GRIN2A: variants seen among roughly 807,000 people sequenced by gnomAD.
GRIN2A encodes the protein glutamate ionotropic receptor NMDA type subunit 2A.
Under a neutral mutation model 113.4 loss-of-function variants are expected in GRIN2A, and 22 were observed. That is an observed-to-expected ratio of 0.19 (90% CI 0.14 to 0.28). The LOEUF is 0.28. Ranked by LOEUF, GRIN2A falls within the 10% of genes least tolerant of loss-of-function variation. GRIN2A has a pLI of 1.00. For missense variants in GRIN2A, 1,502 were observed against 1,887.0 expected, an observed-to-expected ratio of 0.80 and a Z score of 3.78; for synonymous variants, 827 against 738.4, an observed-to-expected ratio of 1.12 and a Z score of -1.94.
At chr16:9,972,572 A>T (rs968894567) in intron 2 of GRIN2A, among the ~76,000 whole-genome samples, 1 of 152,094 alleles carries the variant, frequency 6.6e-6, no homozygotes, top group South Asian at 2.1e-4. Flanking sequence ...AGAGGAAAAT[A>T]AAAAAAAGAA....
intron 10 of GRIN2A, among the ~76,000 whole-genome samples, chr16:9,813,314 T>C (rs185297854): frequency 4.9e-4 from 75 of 152,312 alleles, no homozygotes; most frequent in Middle Eastern, 3.4e-3. Context: ...TTGTATGAAT[T>C]GTATATATGC....
intron 8 of GRIN2A, among the ~76,000 whole-genome samples, chr16:9,830,613 C>T (rs1025044092): frequency 2.6e-5 from 4 of 152,084 alleles, no homozygotes; most frequent in Admixed American, 6.5e-5. Flanking sequence ...ATGTCACCTG[C>T]CAATATAAGC....
intron 2 of GRIN2A, among the ~76,000 whole-genome samples, chr16:10,150,931 C>A (rs2049555213): frequency 6.6e-6 from 1 of 152,202 alleles, no homozygotes; most frequent in Admixed American, 6.5e-5. Context: ...CCTGAACATG[C>A]CTGACACATG....
At chr16:9,771,412 A>G (rs917641192) in intron 11 of GRIN2A, among the ~76,000 whole-genome samples, 2 of 151,762 alleles carry the variant, frequency 1.3e-5, no homozygotes, top group African/African-American at 4.8e-5. Flanking sequence ...TGTGATATTC[A>G]TTTGGTTCTT....
At chr16:10,114,847 C>T (rs759757569) in intron 2 of GRIN2A, among the ~76,000 whole-genome samples, 5 of 152,196 alleles carry the variant, frequency 3.3e-5, no homozygotes, top group Non-Finnish European at 5.9e-5. Context: ...CCCCGATGTG[C>T]CAGGTCTGCA....
intron 2 of GRIN2A, among the ~76,000 whole-genome samples, chr16:10,068,455 G>C: frequency 6.6e-6 from 1 of 152,194 alleles, no homozygotes; most frequent in African/African-American, 2.4e-5. Flanking sequence ...GGCCAGAGCA[G>C]GAGAGAGTAA....
At chr16:10,079,073 C>T (rs1045656525) in intron 2 of GRIN2A, among the ~76,000 whole-genome samples, 3 of 152,280 alleles carry the variant, frequency 2.0e-5, no homozygotes, top group Admixed American at 6.5e-5. Flanking sequence ...ACTGAAGGTC[C>T]GAGCTCCTTC....
intron 2 of GRIN2A, among the ~76,000 whole-genome samples, chr16:10,143,264 G>A (rs1217204919): frequency 1.3e-5 from 2 of 152,156 alleles, no homozygotes; most frequent in African/African-American, 4.8e-5. Flanking sequence ...CTTCCGCTAA[G>A]GGCCTCCTTA....
intron 2 of GRIN2A, among the ~76,000 whole-genome samples, chr16:10,145,747 T>C (rs542523580): frequency 2.4e-4 from 36 of 152,346 alleles, no homozygotes; most frequent in South Asian, 8.3e-4. Flanking sequence ...ATGGTCGCCA[T>C]AGCAACTGCT....
intron 2 of GRIN2A, chr16:10,112,195 T>C: frequency 1.7e-6 from 1 of 590,808 alleles, no homozygotes. Context: ...GTCATAGTCT[T>C]GGACTCCTCC....
At chr16:9,924,905 T>G (rs2044427454) in intron 3 of GRIN2A, among the ~76,000 whole-genome samples, 1 of 152,198 alleles carries the variant, frequency 6.6e-6, no homozygotes, top group Non-Finnish European at 1.5e-5. Context: ...CTTGAATTTT[T>G]GAACCTATGA....
At chr16:9,806,893 A>C (rs2041980477) in intron 10 of GRIN2A, among the ~76,000 whole-genome samples, 1 of 152,072 alleles carries the variant, frequency 6.6e-6, no homozygotes, top group African/African-American at 2.4e-5. Flanking sequence ...CATAATTCCC[A>C]CCTGTTGTGG....
intron 7 of GRIN2A, 63 bp from the exon 8 acceptor site, chr16:9,834,293 G>C: frequency 6.4e-7 from 1 of 1,560,614 alleles, no homozygotes; most frequent in South Asian, 1.1e-5. Flanking sequence ...CTTCCAGCAG[G>C]AAGCCCAGAC....
Position 9,754,688 on chromosome 16 carries a change from T to G in GRIN2A, c.*8461A>C, listed in dbSNP as rs1477504033. On this transcript the variant is annotated 3_prime_UTR_variant, in exon 13 of 13. Coordinates refer to ENST00000330684, the MANE Select transcript of GRIN2A (RefSeq NM_001134407.3). ...TAAAAGTCAATACTGTTCATTCACT[T>G]GAATTAGCTTGACTGAGAACAGAAA... 1 of 219,124 alleles carries G rather than the reference T, an allele frequency of 4.6e-6. No homozygotes were observed. The highest frequency in any genetic ancestry group is 9.2e-6 in the Non-Finnish European group (1 of 109,282). The allele number at this position is 219,124 out of a possible 1,614,324, so 13.6% of individuals were successfully genotyped here.
At position 10,176,003 on chromosome 16, in the gene GRIN2A, C is replaced by CTT. The variant is rs34994079; in HGVS notation, c.414+3993_414+3994dup. Among the ~76,000 whole-genome samples the CTT allele has an allele frequency of 2.5e-3, 314 of 125,828 alleles. 1 individual carries two copies. Among genetic ancestry groups the CTT allele is most frequent in the Non-Finnish European group, 3.5e-3 (210 of 59,946 alleles). The allele number at this position is 125,828 out of a possible 152,430, so 82.5% of individuals were successfully genotyped here. A position where few individuals can be genotyped will look rare whatever the true frequency, so the allele number is the denominator to read the frequency against. ...TTATTTATTGATTTTAATTTTCCTT[C>CTT]TTTTTTTTTTTTTTTTTTTGAGACA... On this transcript the variant is annotated intron_variant, in intron 2 of 12. Transcript: ENST00000330684.
intron 2 of GRIN2A, among the ~76,000 whole-genome samples, chr16:10,029,580 A>C (rs548083068): frequency 6.6e-6 from 1 of 152,250 alleles, no homozygotes; most frequent in African/African-American, 2.4e-5. Context: ...AGCAATTAAA[A>C]GTTAATGCCC....
At chr16:10,147,549 T>A (rs778261190) in intron 2 of GRIN2A, among the ~76,000 whole-genome samples, 1 of 146,886 alleles carries the variant, frequency 6.8e-6, no homozygotes, top group South Asian at 2.2e-4. Context: ...GGTGGGAGGA[T>A]CTCTTGAGCC....
At chr16:9,884,397 A>C (rs1056845934) in intron 4 of GRIN2A, among the ~76,000 whole-genome samples, 2 of 152,030 alleles carry the variant, frequency 1.3e-5, no homozygotes, top group African/African-American at 2.4e-5. Context: ...AAAAACACAA[A>C]AGTTAGCCAG....
chr16:10,142,110 C>T (rs1220353127), intron 2 of GRIN2A, among the ~76,000 whole-genome samples: 2 of 152,264 alleles, frequency 1.3e-5, no homozygotes, highest in Admixed American at 1.3e-4. Context: ...TATCCCAAAG[C>T]GCCCATGTCC....
Sources: allele counts gnomAD v4.1 joint callset (sites outside exome capture counted in the v4.1 genomes callset), GRCh38; gene constraint gnomAD v4.1.1; transcripts MANE v1.5; gene names NCBI Gene and HGNC (gene_info 2026-07-23, HGNC 2026-07-21).